Variants in PTPRN2 observed in about 807,000 individuals in gnomAD.
PTPRN2 encodes the protein receptor-type tyrosine-protein phosphatase N2.
A neutral mutation model predicts 118.8 loss-of-function variants in PTPRN2; 74 were observed. The ratio of observed to expected loss-of-function variants is 0.62; its 90% CI spans 0.52 to 0.76. The LOEUF is 0.76. PTPRN2 is among the 30% of genes least tolerant of loss of function. PTPRN2 has a pLI of 0.00. For missense variants in PTPRN2, 1,481 were observed against 1,394.4 expected, an observed-to-expected ratio of 1.06 and a Z score of -0.99; for synonymous variants, 641 against 608.0, an observed-to-expected ratio of 1.05 and a Z score of -0.80.
chr7:158,091,373 C>T (rs1416930293), intron 10 of PTPRN2, among the ~76,000 whole-genome samples: 1 of 152,152 alleles, frequency 6.6e-6, no homozygotes, highest in Non-Finnish European at 1.5e-5. Flanking sequence ...TGCTTTACAA[C>T]CAACATAAAA....
intron 13 of PTPRN2, among the ~76,000 whole-genome samples, chr7:157,658,125 T>TAA (rs1268698713): frequency 5.3e-5 from 8 of 151,168 alleles, no homozygotes; most frequent in Non-Finnish European, 1.0e-4. Flanking sequence ...TATTCTGGGA[T>TAA]AACGCCACAG....
chr7:158,536,593 A>G lies in PTPRN2; in HGVS notation c.113-46808T>C, dbSNP rs187482750. Among the ~76,000 whole-genome samples the G allele has an allele frequency of 3.8e-4, 56 of 148,740 alleles. No homozygotes were observed. The East Asian group carries it at 0.011, about 28-fold the overall frequency. On this transcript the variant is annotated intron_variant, in intron 1 of 22. Transcript: ENST00000389418. ...CCGAGACGGGACTCAGGAAAACACA[A>G]GGGCCTTCCCAGGCAGCCATCACCA...
Position 157,661,030 on chromosome 7 carries a change from A to T in PTPRN2, c.2002-4479T>A, listed in dbSNP as rs141630737. On this transcript the variant is annotated intron_variant, in intron 13 of 22. Coordinates refer to ENST00000389418, the MANE Select transcript of PTPRN2 (RefSeq NM_002847.5). ...TGGCCTCGCAAAGTGTTGGGATTAC[A>T]GGCGTGAGCCACTGCACCGGGCCAA... is the stretch of plus-strand genomic sequence containing the variant. 4.9e-3 allele frequency among the ~76,000 whole-genome samples: 750 copies of T among 152,362 alleles called. 11 individuals carry two copies. Among genetic ancestry groups the T allele is most frequent in the African/African-American group, 0.017 (720 of 41,588 alleles).
intron 12 of PTPRN2, among the ~76,000 whole-genome samples, chr7:157,879,143 G>A (rs1795971083): frequency 7.0e-6 from 1 of 143,630 alleles, no homozygotes; most frequent in Non-Finnish European, 1.5e-5. Context: ...GGATTCCGTG[G>A]GGCTGGACGG....
intron 3 of PTPRN2, among the ~76,000 whole-genome samples, chr7:158,215,163 T>C (rs1044292960): frequency 3.3e-5 from 5 of 151,804 alleles, no homozygotes; most frequent in Admixed American, 6.6e-5. Flanking sequence ...TCTCAGAAAA[T>C]AGATGATGTA....
chr7:158,295,849 G>T (rs536120634), intron 3 of PTPRN2, among the ~76,000 whole-genome samples: 1 of 152,396 alleles, frequency 6.6e-6, no homozygotes, highest in South Asian at 2.1e-4. Flanking sequence ...CCCAGATGCT[G>T]CCCCACATCT....
chr7:157,950,133 G>T lies in PTPRN2; in HGVS notation c.1724-51396C>A, dbSNP rs530840097. ...ACAGATTAAACATTTAATGCCACAT[G>T]GTGTGTATATCTCAATGGAAACACT... is the stretch of plus-strand genomic sequence containing the variant. On this transcript the variant is annotated intron_variant, in intron 11 of 22. Transcript: ENST00000389418. Among the ~76,000 whole-genome samples the T allele has an allele frequency of 1.1e-4, 17 of 152,266 alleles. No homozygotes were observed. In the South Asian group the frequency reaches 3.3e-3, roughly 30 times the overall value.
intron 11 of PTPRN2, among the ~76,000 whole-genome samples, chr7:158,071,364 CTCATGG>C: frequency 1.0e-5 from 1 of 95,664 alleles, no homozygotes. Context: ...GGTGGAGGTG[CTCATGG>C]TGGTGGAGGT....
intron 12 of PTPRN2, among the ~76,000 whole-genome samples, chr7:157,716,115 C>T (rs376827290): frequency 3.0e-4 from 45 of 152,392 alleles, no homozygotes; most frequent in African/African-American, 1.1e-3. Flanking sequence ...TGGGTTCAGC[C>T]ACAGGCTGGG....
At chr7:157,882,878 A>G (rs1171596019) in intron 12 of PTPRN2, among the ~76,000 whole-genome samples, 2 of 151,842 alleles carry the variant, frequency 1.3e-5, no homozygotes, top group Middle Eastern at 3.2e-3. Context: ...GGAGATCAGA[A>G]CACACCACCC....
intron 11 of PTPRN2, among the ~76,000 whole-genome samples, chr7:157,962,409 A>G (rs1320154941): frequency 2.0e-5 from 3 of 152,174 alleles, no homozygotes; most frequent in East Asian, 3.9e-4. Context: ...ACTTTAATGC[A>G]TATGTTCAGA....
At chr7:157,933,894 G>C (rs1351089770) in intron 11 of PTPRN2, among the ~76,000 whole-genome samples, 1 of 151,410 alleles carries the variant, frequency 6.6e-6, no homozygotes, top group Non-Finnish European at 1.5e-5. Context: ...GGAGGGATGA[G>C]TCACCCTGAT....
intron 2 of PTPRN2, among the ~76,000 whole-genome samples, chr7:158,379,943 T>C (rs374399680): frequency 6.6e-6 from 1 of 152,132 alleles, no homozygotes; most frequent in Non-Finnish European, 1.5e-5. Flanking sequence ...AGAGCTTGTA[T>C]GGGGAAACTC....
chr7:157,944,950 G>T lies in PTPRN2; in HGVS notation c.1724-46213C>A, dbSNP rs1291554069. On this transcript the variant is annotated intron_variant, in intron 11 of 22. Transcript: ENST00000389418. The surrounding 1 kb of genome is among the most constrained non-coding windows in gnomAD (Gnocchi z 4.3). ...ACAGAGACTCTGAAATAAACACCGT[G>T]CCGAATGGAGCCTGTGCAGCTCCCA... Among the ~76,000 whole-genome samples the T allele has an allele frequency of 1.3e-5, 2 of 152,310 alleles. No individual in the cohort carries two copies. Among genetic ancestry groups the T allele is most frequent in the African/African-American group, 4.8e-5 (2 of 41,568 alleles).
At chr7:157,925,022 G>C (rs1229304972) in intron 11 of PTPRN2, among the ~76,000 whole-genome samples, 1 of 72,524 alleles carries the variant, frequency 1.4e-5, no homozygotes, top group African/African-American at 6.6e-5. Context: ...CAGGATGCAG[G>C]CACCTGCATT....
chr7:157,921,989 T>C (rs929005933), intron 11 of PTPRN2, among the ~76,000 whole-genome samples: 1 of 152,200 alleles, frequency 6.6e-6, no homozygotes, highest in African/African-American at 2.4e-5. Context: ...CTGGACTGTC[T>C]GCTCTATTTT....
At chr7:157,757,371 G>C (rs1380013833) in intron 12 of PTPRN2, among the ~76,000 whole-genome samples, 2 of 152,180 alleles carry the variant, frequency 1.3e-5, no homozygotes, top group African/African-American at 4.8e-5. Context: ...CGGGAGAGCA[G>C]AGAGACATGC....
At position 157,964,566 on chromosome 7, in the gene PTPRN2, C is replaced by T. The variant is rs960921176; in HGVS notation, c.1724-65829G>A. ...TTGGTCAAAACAGTTCATCCACAAC[C>T]CCGTGCAGGCCACAACACAGGAGCA... On this transcript the variant is annotated intron_variant, in intron 11 of 22. Coordinates refer to ENST00000389418, the MANE Select transcript of PTPRN2 (RefSeq NM_002847.5). This position sits in a 1 kb window ranked among gnomAD's most constrained non-coding sequence, Gnocchi z 9.0. 6.6e-6 allele frequency among the ~76,000 whole-genome samples: 1 copy of T among 152,164 alleles called. No individual in the cohort carries two copies. Among genetic ancestry groups the T allele is most frequent in the African/African-American group, 2.4e-5 (1 of 41,438 alleles).
At chr7:158,366,980 C>T (rs1586478365) in intron 2 of PTPRN2, among the ~76,000 whole-genome samples, 1 of 152,304 alleles carries the variant, frequency 6.6e-6, no homozygotes, top group East Asian at 1.9e-4. Flanking sequence ...CGCTCCCGTG[C>T]ACCCAGGACT....
Sources: allele counts gnomAD v4.1 joint callset (sites outside exome capture counted in the v4.1 genomes callset), GRCh38; gene constraint gnomAD v4.1.1; non-coding constraint Gnocchi (gnomAD v3.1); transcripts MANE v1.5; gene names NCBI Gene and HGNC (gene_info 2026-07-23, HGNC 2026-07-21).